The following CLCNKB variants were observed in gnomAD, a reference collection of about 807,000 sequenced individuals.
CLCNKB encodes chloride voltage-gated channel Kb.
CLCNKB carries 74 observed loss-of-function variants against 83.8 expected under a neutral mutation model. The observed-to-expected ratio is 0.88, with a 90% confidence interval of 0.73 to 1.07. The LOEUF (loss-of-function observed/expected upper bound fraction) is 1.07, where lower values mean the gene tolerates loss of function less well. CLCNKB is among the 50% of genes least tolerant of loss of function. The pLI, the probability that CLCNKB is intolerant of heterozygous loss-of-function variation, is 0.00. For synonymous variants in CLCNKB, 358 were observed against 356.6 expected, an observed-to-expected ratio of 1.00 and a Z score of -0.04; for missense variants, 798 against 893.6, an observed-to-expected ratio of 0.89 and a Z score of 1.36.
At chr1:16,045,403 G>C (rs1459372074) in intron 2 of CLCNKB, among the ~76,000 whole-genome samples, 155 bp from the exon 3 acceptor site, 1 of 152,178 alleles carries the variant, frequency 6.6e-6, no homozygotes, top group Non-Finnish European at 1.5e-5. Context: ...GGCCACTTAT[G>C]TGAGGCAGGG....
intron 18 of CLCNKB, 111 bp from the exon 19 acceptor site, chr1:16,056,311 C>A (rs1046107194): frequency 1.8e-6 from 2 of 1,110,718 alleles, no homozygotes; most frequent in Non-Finnish European, 2.8e-6. Context: ...TCTTGTCTCC[C>A]ACACACATCA....
Position 16,048,859 on chromosome 1 carries a change from C to T in CLCNKB, c.656-261C>T, listed in dbSNP as rs9442227. On this transcript the variant is annotated intron_variant, in intron 7 of 19. Transcript: ENST00000375679. ...CGTTGGCCTCTCTGAGCCCGGCTTCCTCCTCTACAAAATGGAGATCGCAAC... is the reference window on the plus strand; with the variant it reads ...CGTTGGCCTCTCTGAGCCCGGCTTCTTCCTCTACAAAATGGAGATCGCAAC... The T allele has an allele frequency of 0.79, 1,130,772 of 1,440,118 alleles. 451,934 individuals are homozygous for T. The highest frequency in any genetic ancestry group is 0.99 in the East Asian group (39,586 of 40,156). The allele number at this position is 1,440,118 out of a possible 1,614,324, so 89.2% of individuals were successfully genotyped here.
At chr1:16,050,656 T>C in intron 11 of CLCNKB, 56 bp downstream of exon 11, 1 of 1,566,902 alleles carries the variant, frequency 6.4e-7, no homozygotes, top group Non-Finnish European at 8.8e-7. Flanking sequence ...GTTGCCTCCT[T>C]TGCGTGTATC....
intron 7 of CLCNKB, chr1:16,048,903 A>C: frequency 1.4e-6 from 2 of 1,448,168 alleles, no homozygotes; most frequent in South Asian, 1.4e-5. Flanking sequence ...CCCGATAGCG[A>C]GAGGGCGCAC....
At position 16,057,098 on chromosome 1, in the gene CLCNKB, C is replaced by T. The variant is rs1393374555; in HGVS notation, c.*182C>T. 5.6e-6 allele frequency: 4 copies of T among 709,882 alleles called. No individual in the cohort carries two copies. Among genetic ancestry groups the T allele is most frequent in the East Asian group, 2.8e-5 (1 of 35,976 alleles). The allele number at this position is 709,882 out of a possible 1,614,324, so 44.0% of individuals were successfully genotyped here. A position where few individuals can be genotyped will look rare whatever the true frequency, so the allele number is the denominator to read the frequency against. ...TGGCTCATCCTGGGTGGGACGATGG[C>T]TCCTGCCTTGAAAGACAAAAATCCC... On this transcript the variant is annotated 3_prime_UTR_variant, in exon 20 of 20. Coordinates refer to ENST00000375679, the MANE Select transcript of CLCNKB (RefSeq NM_000085.5).
At chr1:16,048,122 A>G in intron 5 of CLCNKB, 78 bp downstream of exon 5, 3 of 1,552,990 alleles carry the variant, frequency 1.9e-6, no homozygotes, top group Non-Finnish European at 2.6e-6. Flanking sequence ...ACCCCACGAA[A>G]GCTGCGTCAG....
Position 16,044,182 on chromosome 1 carries a change from G to C in CLCNKB, c.-8+302G>C, listed in dbSNP as rs9442195. On this transcript the variant is annotated intron_variant, in intron 1 of 19. Coordinates refer to ENST00000375679, the MANE Select transcript of CLCNKB (RefSeq NM_000085.5). ...GGTGGGAGCGGCTGCCACCGAAGGG[G>C]AAGGGGCTCTGAGCAGGGCTTGGGC... Among the ~76,000 whole-genome samples, 44,568 of 151,758 alleles carry C rather than the reference G, an allele frequency of 0.29. 6,678 individuals are homozygous for C. Among genetic ancestry groups the C allele is most frequent in the Non-Finnish European group, 0.31 (21,068 of 67,874 alleles).
rs752699729 is a variant in CLCNKB at position 16,048,503 on chromosome 1, G to T, written c.577-1G>T. On this transcript the variant is annotated splice_acceptor_variant, in intron 6 of 19. Transcript: ENST00000375679. LOFTEE classifies it high-confidence loss of function. The stretch of plus-strand genomic sequence containing the variant: ...CTGAGCCCTGGACTCGGATCCCCCA[G>T]AACAAGAGCAAGCAAAACGAAATGC... 5.6e-6 allele frequency: 9 copies of T among 1,613,278 alleles called. No individual in the cohort carries two copies. In the East Asian group the frequency reaches 1.1e-4, roughly 20 times the overall value.
In CLCNKB at chr1:16,046,904, C is replaced by A. The variant is rs557254259; in HGVS notation, c.358+241C>A. Among the ~76,000 whole-genome samples the A allele has an allele frequency of 3.3e-5, 5 of 152,328 alleles. No homozygotes were observed. The East Asian group carries it at 5.8e-4, about 18-fold the overall frequency. ...CCTGGTGGGAGGATCTTCTGCGAAG[C>A]CTGTTCCAGTGGCCAGTGCCAGGGA... On this transcript the variant is annotated intron_variant, in intron 4 of 19. Coordinates refer to ENST00000375679, the MANE Select transcript of CLCNKB (RefSeq NM_000085.5).
chr1:16,049,062 C>A, intron 7 of CLCNKB, 58 bp from the exon 8 acceptor site: 1 of 1,613,238 alleles, frequency 6.2e-7, no homozygotes, highest in Non-Finnish European at 8.5e-7. Flanking sequence ...GGGAGGGGGT[C>A]CTACAGTCAC....
At chr1:16,052,844 T>C (rs914785592) in intron 15 of CLCNKB, among the ~76,000 whole-genome samples, 2 of 152,072 alleles carry the variant, frequency 1.3e-5, no homozygotes, top group African/African-American at 4.8e-5. Context: ...CTCAACCAGA[T>C]AGGACCAGAG....
At chr1:16,048,840 C>A in intron 7 of CLCNKB, 1 of 1,440,406 alleles carries the variant, frequency 6.9e-7, no homozygotes, top group South Asian at 1.5e-5. Context: ...GGCCCGTTGG[C>A]CTCTCTGAGC....
Position 16,053,772 on chromosome 1 carries a change from G to C in CLCNKB, c.1756G>C (p.Glu586Gln), listed in dbSNP as rs1170835947. 2 of 1,613,642 alleles carry C rather than the reference G, an allele frequency of 1.2e-6. No homozygotes were observed. The highest frequency in any genetic ancestry group is 1.7e-6 in the Non-Finnish European group (2 of 1,179,960). ...CAAGTATCCCCTGGTGGAGAGCACA[G>C]GTGCCCAGCCGGAAGGGAGGAGGAA... ...VAKYPLVESTESQILVGIVRR... is the reference protein window; with the variant it reads ...VAKYPLVESTQSQILVGIVRR... Residue 586 changes from glutamate (E) to glutamine (Q), a missense_variant and splice_region_variant, in exon 16 of 20, where the codon GAG becomes CAG. By Grantham distance (29) the Glu-to-Gln change is conservative. Transcript: ENST00000375679.
chr1:16,044,139 C>T (rs2023014342), intron 1 of CLCNKB, among the ~76,000 whole-genome samples: 1 of 152,034 alleles, frequency 6.6e-6, no homozygotes, highest in South Asian at 2.1e-4. Context: ...GCAGTGGAAG[C>T]GCCAAGTGAC....
Position 16,053,660 on chromosome 1 carries a change from G to C in CLCNKB, c.1644G>C (p.Glu548Asp). 6.2e-7 allele frequency: 1 copy of C among 1,614,014 alleles called. No individual in the cohort carries two copies. The highest frequency in any genetic ancestry group is 1.1e-5 in the South Asian group (1 of 91,082). The change falls in exon 16 of 20, where the codon GAG becomes GAC. Residue 548 changes from glutamate (E) to aspartate (D), a missense_variant. Transcript: ENST00000375679. ...GCAGTTCCCACCGCGTGAGGGTGGAGCACTTCATGAACCACAGCATCACCA... is the reference window on the plus strand; with the variant it reads ...GCAGTTCCCACCGCGTGAGGGTGGACCACTTCATGAACCACAGCATCACCA... ...RNIGSHRVRV[E>D]HFMNHSITTL...
In CLCNKB at chr1:16,051,194, C is replaced by G. The variant is rs1354884918; in HGVS notation, c.1227+146C>G. The G allele has an allele frequency of 3.9e-6, 5 of 1,283,970 alleles. No homozygotes were observed. The South Asian group carries it at 5.3e-5, about 14-fold the overall frequency. The allele number at this position is 1,283,970 out of a possible 1,614,324, so 79.5% of individuals were successfully genotyped here. ...CCCCTGCCCATTGCATGGTCCTGGA[C>G]AAGTGGCTTCAGCTCTCTGGGCCTC... is the stretch of plus-strand genomic sequence containing the variant. On this transcript the variant is annotated intron_variant, in intron 12 of 19. Transcript: ENST00000375679.
Position 16,044,521 on chromosome 1 carries a change from GC to G in CLCNKB, c.30del (p.Ser11ProfsTer6). On this transcript the variant is annotated frameshift_variant, in exon 2 of 20. Coordinates refer to ENST00000375679, the MANE Select transcript of CLCNKB (RefSeq NM_000085.5). LOFTEE classifies it high-confidence loss of function. MEEFVGLRE[G>X]SSGNPVTLQE... ...GAGGAGTTTGTGGGGCTGCGTGAAG[GC>G]TCCTCAGGGAACCCTGTGACTCTGC... The G allele has an allele frequency of 6.2e-7, 1 of 1,606,394 alleles. No individual in the cohort carries two copies. Among genetic ancestry groups the G allele is most frequent in the Non-Finnish European group, 8.5e-7 (1 of 1,177,242 alleles).
intron 18 of CLCNKB, among the ~76,000 whole-genome samples, 154 bp downstream of exon 18, chr1:16,055,912 T>C (rs1318807575): frequency 6.8e-6 from 1 of 146,430 alleles, no homozygotes; most frequent in Non-Finnish European, 1.5e-5. Context: ...ATCAGCAGAC[T>C]GGGCAAAGAA....
Position 16,048,393 on chromosome 1 carries a change from G to A in CLCNKB, c.549G>A (p.Val183=), listed in dbSNP as rs766468408. The change falls in exon 6 of 20, where the codon GTG becomes GTA. Residue 183 remains valine, a synonymous_variant. Transcript: ENST00000375679. ...SVMMAAYLGR[V]RTTTIGEPEN... is the part of the protein sequence containing the mutation. Reference sequence around the variant, plus strand: ...TGATGGCTGCCTACCTGGGCCGTGTGCGCACCACGACCATCGGGGAGCCTG... The same window carrying A: ...TGATGGCTGCCTACCTGGGCCGTGTACGCACCACGACCATCGGGGAGCCTG... The A allele has an allele frequency of 6.5e-5, 105 of 1,613,918 alleles. No individual in the cohort carries two copies. Among genetic ancestry groups the A allele is most frequent in the Middle Eastern group, 1.6e-4 (1 of 6,084 alleles).
Sources: allele counts gnomAD v4.1 joint callset (sites outside exome capture counted in the v4.1 genomes callset), GRCh38; gene constraint gnomAD v4.1.1; transcripts MANE v1.5; gene names NCBI Gene and HGNC (gene_info 2026-07-23, HGNC 2026-07-21).